The following GPR149 variants were observed in gnomAD, a reference collection of about 807,000 sequenced individuals.
GPR149 encodes G protein-coupled receptor 149.
GPR149 carries 50 observed loss-of-function variants against 50.2 expected under a neutral mutation model. That is an observed-to-expected ratio of 1.00 (90% CI 0.79 to 1.26). The LOEUF (loss-of-function observed/expected upper bound fraction) is 1.26, where lower values mean the gene tolerates loss of function less well. Among genes scored for constraint, GPR149 ranks in the 50% most tolerant of loss-of-function variants. The pLI is 0.00. For synonymous variants in GPR149, 405 were observed against 358.2 expected (o/e 1.13, Z -1.48); for missense variants, 983 against 895.4 (o/e 1.10, Z -1.25).
chr3:154,351,313 C>CAAAAAAAAAA (rs71155003), intron 3 of GPR149, among the ~76,000 whole-genome samples: 18 of 75,568 alleles, frequency 2.4e-4, no homozygotes, highest in Non-Finnish European at 3.3e-4. Flanking sequence ...CATCCACATA[C>CAAAAAAAAAA]AAAAAAAAAA....
intron 2 of GPR149, among the ~76,000 whole-genome samples, chr3:154,423,612 A>C (rs1471043673): frequency 4.6e-5 from 7 of 151,928 alleles, no homozygotes; most frequent in Admixed American, 3.3e-4. Context: ...ACAGTATCAT[A>C]AAGTTGACAA....
Position 154,337,998 on chromosome 3 carries a change from T to C in GPR149, c.1897A>G (p.Thr633Ala), listed in dbSNP as rs1338042875. Residue 633 changes from threonine to alanine, a missense_variant, in exon 4 of 4, where the codon ACT (threonine) becomes GCT (alanine). By Grantham distance (58) the Thr-to-Ala change is moderately conservative (BLOSUM62 0). Transcript: ENST00000389740. ...EICDNEEALDTVSIISNISQS... is the reference protein window; with the variant it reads ...EICDNEEALDAVSIISNISQS... ...CTGATGTTACTAATGATTGACACAG[T>C]GTCCAAGGCCTCTTCATTATCACAA... 6.2e-7 allele frequency: 1 copy of C among 1,614,070 alleles called. No individual in the cohort carries two copies. The highest frequency in any genetic ancestry group is 8.5e-7 in the Non-Finnish European group (1 of 1,180,030).
chr3:154,389,365 C>T (rs996470227), intron 3 of GPR149, among the ~76,000 whole-genome samples: 5 of 152,200 alleles, frequency 3.3e-5, no homozygotes, highest in African/African-American at 1.2e-4. Context: ...AAGGGCCCTA[C>T]CCCTGGCATG....
intron 3 of GPR149, among the ~76,000 whole-genome samples, chr3:154,374,105 A>G (rs1714732318): frequency 6.6e-6 from 1 of 151,560 alleles, no homozygotes; most frequent in Non-Finnish European, 1.5e-5. Flanking sequence ...TCAATCATAT[A>G]TCTGAAGTGA....
chr3:154,382,425 G>C (rs926181759), intron 3 of GPR149, among the ~76,000 whole-genome samples: 1 of 152,192 alleles, frequency 6.6e-6, no homozygotes, highest in Non-Finnish European at 1.5e-5. Context: ...CTGCTGGTAA[G>C]TATAGAAGTA....
intron 2 of GPR149, among the ~76,000 whole-genome samples, chr3:154,424,397 G>A (rs1033994035): frequency 6.6e-6 from 1 of 151,954 alleles, no homozygotes; most frequent in Non-Finnish European, 1.5e-5. Flanking sequence ...TGTTAGGTTA[G>A]CCTTGACTCA....
rs1032140168 is a variant in GPR149 at position 154,427,720 on chromosome 3, A to G, written c.982-12T>C. ...ACCACCATGTGCATCTGCAAGGGCA[A>G]GAGAACTTCAGACCTAACCTAAAAT... On this transcript the variant is annotated splice_polypyrimidine_tract_variant and intron_variant, in intron 1 of 3. Coordinates refer to ENST00000389740, the MANE Select transcript of GPR149 (RefSeq NM_001038705.3). The G allele has an allele frequency of 3.7e-6, 6 of 1,604,408 alleles. No homozygotes were observed. The highest frequency in any genetic ancestry group is 1.7e-5 in the Admixed American group (1 of 58,656).
In GPR149 at chr3:154,366,767, G is replaced by A. The variant is rs148980566; in HGVS notation, c.1624-28496C>T. Among the ~76,000 whole-genome samples the A allele has an allele frequency of 1.8e-4, 27 of 152,304 alleles. No homozygotes were observed. In the East Asian group the frequency reaches 4.8e-3, roughly 27 times the overall value. ...GGCCAAATCAAGGTATACCTTACAT[G>A]TATTGATTTATATCTTTGTCTGTGG... On this transcript the variant is annotated intron_variant, in intron 3 of 3. Transcript: ENST00000389740.
rs1179940862 is a variant in GPR149 at position 154,337,159 on chromosome 3, C to T, written c.*540G>A. 4 of 152,170 alleles carry T rather than the reference C, an allele frequency of 2.6e-5. No homozygotes were observed. The highest frequency in any genetic ancestry group is 9.7e-5 in the African/African-American group (4 of 41,434). The allele number at this position is 152,170 out of a possible 1,614,324, so 9.4% of individuals were successfully genotyped here. ...ATAGACTAGGAACCTGCGTGTTTCT[C>T]AGTTGGAAGCTAATTTTTCATTTTA... On this transcript the variant is annotated 3_prime_UTR_variant, in exon 4 of 4. Coordinates refer to ENST00000389740, the MANE Select transcript of GPR149 (RefSeq NM_001038705.3).
chr3:154,394,190 C>T (rs889740863), intron 3 of GPR149, among the ~76,000 whole-genome samples: 16 of 151,946 alleles, frequency 1.1e-4, no homozygotes, highest in South Asian at 8.3e-4. Context: ...GTAATTTAAA[C>T]GATATAGTAC....
chr3:154,368,020 A>G (rs1283865647), intron 3 of GPR149, among the ~76,000 whole-genome samples: 1 of 151,918 alleles, frequency 6.6e-6, no homozygotes, highest in Non-Finnish European at 1.5e-5. Context: ...ACAACCCCCG[A>G]CCCTCCAGGG....
intron 3 of GPR149, among the ~76,000 whole-genome samples, chr3:154,364,531 A>T (rs191920382): frequency 1.3e-5 from 2 of 152,346 alleles, no homozygotes; most frequent in South Asian, 2.1e-4. Flanking sequence ...CTGTGAAATC[A>T]AACAAATTAT....
intron 3 of GPR149, among the ~76,000 whole-genome samples, chr3:154,344,522 A>G (rs1713878028): frequency 6.6e-6 from 1 of 152,150 alleles, no homozygotes; most frequent in Non-Finnish European, 1.5e-5. Flanking sequence ...TGTGAATATG[A>G]CCTTATTTGG....
At chr3:154,413,051 G>A (rs1291146956) in intron 3 of GPR149, among the ~76,000 whole-genome samples, 1 of 151,998 alleles carries the variant, frequency 6.6e-6, no homozygotes, top group Non-Finnish European at 1.5e-5. Flanking sequence ...ATAAAGTGGG[G>A]AAAAGATACC....
chr3:154,421,067 CT>C lies in GPR149; in HGVS notation c.1594del (p.Arg532GlyfsTer44). 6.2e-7 allele frequency: 1 copy of C among 1,612,200 alleles called. No individual in the cohort carries two copies. Among genetic ancestry groups the C allele is most frequent in the Non-Finnish European group, 8.5e-7 (1 of 1,179,172 alleles). On this transcript the variant is annotated frameshift_variant, in exon 3 of 4. Coordinates refer to ENST00000389740, the MANE Select transcript of GPR149 (RefSeq NM_001038705.3). LOFTEE classifies it high-confidence loss of function. Reference protein sequence around the residue: ...KPDLSDWEWCRSKSERTPRQR... With the variant: ...KPDLSDWEWCXSKSERTPRQR... ...ACGAGGGGTTCTTTCTGATTTACTC[CT>C]ACACCACTCCCAGTCTGAAAGATCT...
chr3:154,368,507 C>T (rs1714593191), intron 3 of GPR149, among the ~76,000 whole-genome samples: 1 of 152,206 alleles, frequency 6.6e-6, no homozygotes. Flanking sequence ...GCATTTCCTC[C>T]ATTGCTTCCC....
At chr3:154,384,637 T>C (rs1351367757) in intron 3 of GPR149, among the ~76,000 whole-genome samples, 1 of 152,216 alleles carries the variant, frequency 6.6e-6, no homozygotes, top group Non-Finnish European at 1.5e-5. Flanking sequence ...ATGCCTCATT[T>C]TTCAGATGAG....
intron 3 of GPR149, among the ~76,000 whole-genome samples, chr3:154,364,311 A>G (rs1714481313): frequency 6.6e-6 from 1 of 152,254 alleles, no homozygotes; most frequent in Non-Finnish European, 1.5e-5. Context: ...GATTTAAACC[A>G]TAGCATTCCA....
rs1712145535 is a variant in GPR149, at chr3:154,421,483, C to G, written c.1179G>C (p.Lys393Asn). ...YAVASDGKKI[K>N]RKGFEFNLSF... ...ATAGATTGAATTCAAAGCCTTTTCT[C>G]TTGACTGAGTAAAAATAAAAACAAC... The change falls in exon 3 of 4, where the codon AAG becomes AAC. Residue 393 changes from lysine to asparagine, a missense_variant. Lys to Asn is a moderately conservative substitution (Grantham distance 94). Coordinates refer to ENST00000389740, the MANE Select transcript of GPR149 (RefSeq NM_001038705.3). 7 of 1,535,884 alleles carry G rather than the reference C, an allele frequency of 4.6e-6. No individual in the cohort carries two copies. The East Asian group carries it at 1.6e-4, about 35-fold the overall frequency.
Sources: gnomAD v4.1 joint callset for allele counts (sites outside exome capture counted in the v4.1 genomes callset) on GRCh38, gnomAD v4.1.1 for gene constraint, MANE v1.5 for transcripts, NCBI Gene and HGNC (gene_info 2026-07-23, HGNC 2026-07-21) for gene names.